The following CPNE8 variants were observed in gnomAD, a reference collection of about 807,000 sequenced individuals.
CPNE8 encodes the protein copine 8.
In CPNE8, 45 loss-of-function variants were observed where a neutral mutation model predicts 81.5. The observed-to-expected ratio is 0.55, with a 90% CI of 0.44 to 0.71. The LOEUF is 0.71. CPNE8 is among the 30% of genes least tolerant of loss of function. The pLI, the probability that CPNE8 is intolerant of heterozygous loss-of-function variation, is 0.00. For missense variants in CPNE8, 594 were observed against 672.1 expected, an observed-to-expected ratio of 0.88 and a Z score of 1.28; for synonymous variants, 252 against 226.3, an observed-to-expected ratio of 1.11 and a Z score of -1.02.
intron 5 of CPNE8, 40 bp from the exon 6 acceptor site, chr12:38,829,495 A>G: frequency 2.9e-6 from 4 of 1,377,096 alleles, no homozygotes; most frequent in Middle Eastern, 3.6e-4. Context: ...AAGTTTCCAA[A>G]CTATCTTTAC....
intron 6 of CPNE8, among the ~76,000 whole-genome samples, chr12:38,787,089 T>G (rs372699457): frequency 1.3e-5 from 2 of 152,122 alleles, no homozygotes; most frequent in African/African-American, 4.8e-5. Context: ...ACTTAATCTA[T>G]AGATAGACCA....
At chr12:38,817,534 G>A (rs1423291472) in intron 6 of CPNE8, among the ~76,000 whole-genome samples, 2 of 149,996 alleles carry the variant, frequency 1.3e-5, no homozygotes, top group African/African-American at 4.9e-5. Context: ...AGATATTCTT[G>A]ACTCTTCAGT....
intron 7 of CPNE8, among the ~76,000 whole-genome samples, chr12:38,772,887 T>C (rs542718248): frequency 1.3e-5 from 2 of 151,454 alleles, no homozygotes; most frequent in Non-Finnish European, 2.9e-5. Flanking sequence ...CATCAACAGA[T>C]GAATAGATAC....
intron 1 of CPNE8, among the ~76,000 whole-genome samples, chr12:38,898,141 G>T (rs775921340): frequency 6.6e-6 from 1 of 152,110 alleles, no homozygotes; most frequent in East Asian, 1.9e-4. Context: ...ACCTAAAGGA[G>T]CACAGCTATT....
At chr12:38,771,676 A>G (rs1941807444) in intron 7 of CPNE8, among the ~76,000 whole-genome samples, 1 of 152,210 alleles carries the variant, frequency 6.6e-6, no homozygotes, top group Non-Finnish European at 1.5e-5. Flanking sequence ...TCTTTCCTAT[A>G]GAGTATCCAT....
chr12:38,676,524 T>C (rs1335082044), intron 17 of CPNE8, among the ~76,000 whole-genome samples: 5 of 152,190 alleles, frequency 3.3e-5, no homozygotes, highest in African/African-American at 1.2e-4. Context: ...ACCTCATTTA[T>C]ACCCAAGGTT....
chr12:38,718,657 CG>C (rs1310753684), intron 13 of CPNE8, among the ~76,000 whole-genome samples: 44 of 152,056 alleles, frequency 2.9e-4, no homozygotes, highest in African/African-American at 9.9e-4. Context: ...TTGTGAAATA[CG>C]TATATCATTA....
At chr12:38,733,234 T>C (rs1040574085) in intron 10 of CPNE8, among the ~76,000 whole-genome samples, 2 of 151,944 alleles carry the variant, frequency 1.3e-5, no homozygotes, top group East Asian at 1.9e-4. Context: ...ATTTTTATAC[T>C]TTCTAACCTT....
At chr12:38,851,616 T>C (rs1431294071) in intron 3 of CPNE8, among the ~76,000 whole-genome samples, 2 of 152,216 alleles carry the variant, frequency 1.3e-5, no homozygotes, top group African/African-American at 2.4e-5. Context: ...TTCCCTCTTA[T>C]GGTCTACCCA....
chr12:38,764,221 G>A (rs541566254), intron 8 of CPNE8, among the ~76,000 whole-genome samples: 2 of 152,268 alleles, frequency 1.3e-5, no homozygotes, highest in South Asian at 2.1e-4. Flanking sequence ...TAATGAAGAT[G>A]TCTAAAGCAG....
intron 7 of CPNE8, among the ~76,000 whole-genome samples, chr12:38,769,300 C>T (rs1011337550): frequency 2.6e-5 from 4 of 152,294 alleles, no homozygotes; most frequent in African/African-American, 9.6e-5. Context: ...TACATTCTAG[C>T]AACGTATAGT....
intron 10 of CPNE8, among the ~76,000 whole-genome samples, chr12:38,749,312 G>A (rs778807735): frequency 1.3e-5 from 2 of 152,168 alleles, no homozygotes; most frequent in Non-Finnish European, 2.9e-5. Flanking sequence ...TCTTTCTTTT[G>A]TAAATTGCCC....
intron 4 of CPNE8, among the ~76,000 whole-genome samples, chr12:38,843,832 C>T (rs1943511468): frequency 6.6e-6 from 1 of 152,122 alleles, no homozygotes; most frequent in African/African-American, 2.4e-5. Flanking sequence ...TCCCACCTCC[C>T]TTCTGTCCTG....
rs549806091 is a variant in CPNE8 at position 38,849,472 on chromosome 12, A to G, written c.187-810T>C. Reference sequence around the variant, plus strand: ...TTTAACTTCAGTTCTGAGCAATATTAGGCAATGAAGCATGCTGTCTTATCA... The same window carrying G: ...TTTAACTTCAGTTCTGAGCAATATTGGGCAATGAAGCATGCTGTCTTATCA... On this transcript the variant is annotated intron_variant, in intron 3 of 19. Coordinates refer to ENST00000331366, the MANE Select transcript of CPNE8 (RefSeq NM_153634.3). Among the ~76,000 whole-genome samples, 21 of 152,342 alleles carry G rather than the reference A, an allele frequency of 1.4e-4. No individual in the cohort carries two copies. In the East Asian group the frequency reaches 4.1e-3, roughly 29 times the overall value.
At chr12:38,771,781 A>G (rs926108179) in intron 7 of CPNE8, among the ~76,000 whole-genome samples, 6 of 152,186 alleles carry the variant, frequency 3.9e-5, no homozygotes, top group Non-Finnish European at 5.9e-5. Context: ...ATGATACAAA[A>G]GCATAGGCCA....
chr12:38,863,131 C>T (rs117833315), intron 3 of CPNE8, among the ~76,000 whole-genome samples: 1 of 151,920 alleles, frequency 6.6e-6, no homozygotes, highest in Admixed American at 6.6e-5. Context: ...TATCAATATA[C>T]GAAGGTAAAA....
chr12:38,722,093 C>T lies in CPNE8; in HGVS notation c.914+1679G>A, dbSNP rs76707335. Reference sequence around the variant, plus strand: ...TAGCAAACTCAGGAAAAGGTGCCACCGGCCAGAGGTTTCAGGCCAGAAAAA... The same window carrying T: ...TAGCAAACTCAGGAAAAGGTGCCACTGGCCAGAGGTTTCAGGCCAGAAAAA... On this transcript the variant is annotated intron_variant, in intron 13 of 19. Coordinates refer to ENST00000331366, the MANE Select transcript of CPNE8 (RefSeq NM_153634.3). Among the ~76,000 whole-genome samples, 483 of 152,274 alleles carry T rather than the reference C, an allele frequency of 3.2e-3. 5 individuals are homozygous for T. In the East Asian group the frequency reaches 0.033, roughly 10 times the overall value.
At chr12:38,707,305 CTCTG>C (rs1014578730) in intron 13 of CPNE8, among the ~76,000 whole-genome samples, 5 of 152,212 alleles carry the variant, frequency 3.3e-5, no homozygotes, top group East Asian at 1.9e-4. Context: ...CAGAGTGAGA[CTCTG>C]TCTGTTAAAA....
At chr12:38,842,827 C>T (rs979501924) in intron 4 of CPNE8, among the ~76,000 whole-genome samples, 6 of 152,088 alleles carry the variant, frequency 3.9e-5, no homozygotes, top group Admixed American at 2.0e-4. Flanking sequence ...ATCCGCCCCC[C>T]TCAGCCTCCA....
Sources: allele counts gnomAD v4.1 joint callset (sites outside exome capture counted in the v4.1 genomes callset), GRCh38; gene constraint gnomAD v4.1.1; transcripts MANE v1.5; gene names NCBI Gene and HGNC (gene_info 2026-07-23, HGNC 2026-07-21).